The following SENP6 variants were observed in gnomAD, a reference collection of about 807,000 sequenced individuals.
SENP6 encodes sentrin-specific protease 6.
In SENP6, 41 loss-of-function variants were observed where a neutral mutation model predicts 134.5. The observed-to-expected ratio is 0.30, with a 90% CI of 0.24 to 0.40. The LOEUF is 0.40. Among genes scored for constraint, SENP6 ranks in the 10% least tolerant of loss-of-function variants. SENP6 has a pLI of 1.00. For missense variants in SENP6, 1,248 were observed against 1,312.5 expected, an observed-to-expected ratio of 0.95 and a Z score of 0.76; for synonymous variants, 395 against 429.8, an observed-to-expected ratio of 0.92 and a Z score of 1.00.
At chr6:75,630,125 A>G (rs1275577492) in intron 3 of SENP6, among the ~76,000 whole-genome samples, 1 of 148,626 alleles carries the variant, frequency 6.7e-6, no homozygotes, top group Non-Finnish European at 1.5e-5. Flanking sequence ...GCTGGAGTGC[A>G]GTGGCATGAT....
At chr6:75,680,180 A>T (rs1773366093) in intron 16 of SENP6, among the ~76,000 whole-genome samples, 1 of 152,166 alleles carries the variant, frequency 6.6e-6, no homozygotes, top group Non-Finnish European at 1.5e-5. Flanking sequence ...GATATTAAGG[A>T]GGAGAGGAAA....
At chr6:75,663,646 C>T in intron 9 of SENP6, 128 bp downstream of exon 9, 1 of 710,520 alleles carries the variant, frequency 1.4e-6, no homozygotes, top group South Asian at 2.1e-5. Context: ...TAATCTTGTT[C>T]TCATCCTGTC....
At chr6:75,713,616 A>G in intron 22 of SENP6, 35 bp downstream of exon 22, 2 of 1,598,728 alleles carry the variant, frequency 1.3e-6, no homozygotes, top group Non-Finnish European at 1.7e-6. Flanking sequence ...TCTGATGGGG[A>G]TGAAGAACTA....
chr6:75,664,743 A>AATG, intron 9 of SENP6, among the ~76,000 whole-genome samples: 1 of 152,166 alleles, frequency 6.6e-6, no homozygotes, highest in African/African-American at 2.4e-5. Flanking sequence ...CATGTACATT[A>AATG]CTCAGTAAAA....
chr6:75,636,686 G>T (rs1769541316), intron 5 of SENP6, among the ~76,000 whole-genome samples: 2 of 152,092 alleles, frequency 1.3e-5, no homozygotes, highest in African/African-American at 4.8e-5. Flanking sequence ...AACATTAAAG[G>T]AGTTTTTGAG....
chr6:75,678,521 AC>A (rs1773245696), intron 14 of SENP6, 61 bp from the exon 15 acceptor site: 1 of 809,856 alleles, frequency 1.2e-6, no homozygotes, highest in South Asian at 1.5e-5. Context: ...CCTTGTGCTT[AC>A]CCTTTTTATT....
At chr6:75,674,208 G>C (rs2647419) in intron 11 of SENP6, among the ~76,000 whole-genome samples, 45,908 of 143,838 alleles carry the variant, frequency 0.32, 8,491 homozygotes, top group Admixed American at 0.49. Context: ...TCAGGCTGGA[G>C]TTCAGTGCTG....
chr6:75,668,379 A>C (rs1167458716), intron 10 of SENP6, among the ~76,000 whole-genome samples: 1 of 152,224 alleles, frequency 6.6e-6, no homozygotes, highest in Admixed American at 6.5e-5. Flanking sequence ...GCAAATGGAA[A>C]AATAGTAAGC....
At chr6:75,623,166 C>T (rs1164623719) in intron 2 of SENP6, among the ~76,000 whole-genome samples, 1 of 151,758 alleles carries the variant, frequency 6.6e-6, no homozygotes, top group African/African-American at 2.4e-5. Context: ...TCTTCGAAAA[C>T]GTTGTATTTG....
intron 2 of SENP6, among the ~76,000 whole-genome samples, chr6:75,622,584 C>A (rs1768358496): frequency 6.6e-6 from 1 of 152,108 alleles, no homozygotes. Context: ...AACAAAAAAA[C>A]ATTGTTTTTA....
At chr6:75,665,025 G>A (rs551943019) in intron 9 of SENP6, among the ~76,000 whole-genome samples, 34 of 152,336 alleles carry the variant, frequency 2.2e-4, no homozygotes, top group African/African-American at 7.9e-4. Flanking sequence ...ATTGGGTCAT[G>A]CCTGTAATCC....
At chr6:75,625,940 A>G (rs1768655788) in intron 3 of SENP6, among the ~76,000 whole-genome samples, 1 of 152,224 alleles carries the variant, frequency 6.6e-6, no homozygotes, top group South Asian at 2.1e-4. Flanking sequence ...ATAGTTTCAC[A>G]ATAGTAATAC....
intron 17 of SENP6, 78 bp from the exon 18 acceptor site, chr6:75,697,347 C>A: frequency 9.8e-7 from 1 of 1,020,054 alleles, no homozygotes; most frequent in Non-Finnish European, 1.4e-6. Flanking sequence ...TCTGAATCTT[C>A]TTAATTTATA....
At chr6:75,704,484 C>T (rs1775254326) in intron 19 of SENP6, among the ~76,000 whole-genome samples, 1 of 152,244 alleles carries the variant, frequency 6.6e-6, no homozygotes, top group Non-Finnish European at 1.5e-5. Context: ...GCCAACATGT[C>T]TCGCCTCCTG....
At chr6:75,624,183 G>A (rs532159318) in intron 3 of SENP6, among the ~76,000 whole-genome samples, 4 of 152,188 alleles carry the variant, frequency 2.6e-5, no homozygotes, top group African/African-American at 9.6e-5. Context: ...GTAATATACT[G>A]TGCATGGTTT....
chr6:75,680,506 C>T (rs1212410848), intron 16 of SENP6, among the ~76,000 whole-genome samples: 3 of 151,762 alleles, frequency 2.0e-5, no homozygotes, highest in South Asian at 2.1e-4. Context: ...AGAGATAGAC[C>T]GGGAATAAAA....
chr6:75,609,154 C>G (rs755890752), intron 1 of SENP6, among the ~76,000 whole-genome samples: 2 of 152,140 alleles, frequency 1.3e-5, no homozygotes, highest in African/African-American at 4.8e-5. Context: ...GCCTGGGACC[C>G]GACTTAATAG....
chr6:75,671,899 C>T (rs1229777674), intron 11 of SENP6, among the ~76,000 whole-genome samples: 2 of 152,148 alleles, frequency 1.3e-5, no homozygotes, highest in African/African-American at 4.8e-5. Flanking sequence ...AACCTGATTT[C>T]TTAGCAGAGC....
chr6:75,686,997 A>G (rs141840284), intron 16 of SENP6, among the ~76,000 whole-genome samples: 35 of 152,320 alleles, frequency 2.3e-4, no homozygotes, highest in Admixed American at 6.5e-4. Flanking sequence ...GTGTTTTCCA[A>G]CTTGGTTCCA....
Sources: allele counts gnomAD v4.1 joint callset (sites outside exome capture counted in the v4.1 genomes callset), GRCh38; gene constraint gnomAD v4.1.1; transcripts MANE v1.5; gene names NCBI Gene and HGNC (gene_info 2026-07-23, HGNC 2026-07-21).